Variants in RNF38 observed in about 807,000 individuals in gnomAD.
RNF38 encodes E3 ubiquitin-protein ligase RNF38.
In RNF38, 15 loss-of-function variants were observed where a neutral mutation model predicts 67.2. The observed-to-expected ratio is 0.22, with a 90% CI of 0.15 to 0.34. The LOEUF is 0.34. RNF38 is among the 10% of genes least tolerant of loss of function. The pLI is 1.00. For synonymous variants in RNF38, 220 were observed against 218.8 expected, an observed-to-expected ratio of 1.01 and a Z score of -0.05; for missense variants, 524 against 639.9, an observed-to-expected ratio of 0.82 and a Z score of 1.95.
At chr9:36,442,168 G>A (rs1839207319) in intron 1 of RNF38, among the ~76,000 whole-genome samples, 1 of 152,124 alleles carries the variant, frequency 6.6e-6, no homozygotes, top group African/African-American at 2.4e-5. Flanking sequence ...CAAACCGGCT[G>A]TCAACTTCCT....
intron 2 of RNF38, among the ~76,000 whole-genome samples, chr9:36,385,765 C>T (rs1836578200): frequency 6.6e-6 from 1 of 152,200 alleles, no homozygotes; most frequent in Admixed American, 6.5e-5. Context: ...ACTACAATGC[C>T]TGCAGCCAGC....
At chr9:36,349,051 A>C (rs540914253) in intron 9 of RNF38, among the ~76,000 whole-genome samples, 2 of 151,650 alleles carry the variant, frequency 1.3e-5, no homozygotes, top group East Asian at 3.9e-4. Context: ...AATTATGCTA[A>C]ATCTACACTG....
At chr9:36,470,357 G>GT (rs772882323) in intron 1 of RNF38, among the ~76,000 whole-genome samples, 1 of 152,170 alleles carries the variant, frequency 6.6e-6, no homozygotes, top group Non-Finnish European at 1.5e-5. Context: ...CATCCACACA[G>GT]TGTCTGAGTG....
intron 1 of RNF38, among the ~76,000 whole-genome samples, chr9:36,475,708 G>GACAGA (rs949587700): frequency 2.0e-5 from 3 of 151,030 alleles, no homozygotes; most frequent in African/African-American, 7.3e-5. Flanking sequence ...ATAGAGACAG[G>GACAGA]GGTTAATTCC....
chr9:36,379,393 A>T (rs888427556), intron 2 of RNF38, among the ~76,000 whole-genome samples: 21 of 152,234 alleles, frequency 1.4e-4, no homozygotes, highest in Non-Finnish European at 2.5e-4. Context: ...AGAAATAAGA[A>T]TTATATTAAC....
At position 36,352,773 on chromosome 9, in the gene RNF38, G is replaced by T; in HGVS notation, c.1147C>A (p.Pro383Thr). 1 of 1,613,900 alleles carries T rather than the reference G, an allele frequency of 6.2e-7. No individual in the cohort carries two copies. The highest frequency in any genetic ancestry group is 1.1e-5 in the South Asian group (1 of 91,074). Residue 383 changes from proline to threonine, a missense_variant, in exon 8 of 12, where the codon CCT becomes ACT. Physicochemically the swap from Pro to Thr is conservative, Grantham distance 38. This residue lies in a region of RNF38 where 461 missense variants were observed against 517.4 expected (regional missense o/e 0.89). Transcript: ENST00000259605. ...YRSQQPIPPP[P>T]YHPSLLPYVL... ...TATGGCAGTAAGCTGGGATGATAAGGGGGAGGTGGTATTGGCTGCTGGGAT... is the reference window on the plus strand; with the variant it reads ...TATGGCAGTAAGCTGGGATGATAAGTGGGAGGTGGTATTGGCTGCTGGGAT...
intron 1 of RNF38, among the ~76,000 whole-genome samples, chr9:36,431,253 C>T (rs542268390): frequency 3.9e-5 from 6 of 152,252 alleles, no homozygotes; most frequent in African/African-American, 7.2e-5. Context: ...AATCGTTGTG[C>T]GAACATCATA....
chr9:36,439,328 C>T (rs1382778758), intron 1 of RNF38, among the ~76,000 whole-genome samples: 4 of 152,146 alleles, frequency 2.6e-5, no homozygotes, highest in African/African-American at 9.7e-5. Flanking sequence ...GAGTTTTAAT[C>T]CTTGTCCTTC....
chr9:36,354,655 G>A (rs986819093), intron 6 of RNF38, among the ~76,000 whole-genome samples: 4 of 152,104 alleles, frequency 2.6e-5, no homozygotes, highest in East Asian at 1.9e-4. Context: ...CCACTCTTTC[G>A]TCACCCATTT....
chr9:36,393,227 T>A (rs1351299337), intron 1 of RNF38, among the ~76,000 whole-genome samples: 37 of 152,152 alleles, frequency 2.4e-4, no homozygotes, highest in Admixed American at 2.4e-3. Context: ...TCCTTTGAAA[T>A]CTTAAGATCT....
At chr9:36,450,267 T>G (rs902008053) in intron 1 of RNF38, among the ~76,000 whole-genome samples, 1 of 152,162 alleles carries the variant, frequency 6.6e-6, no homozygotes, top group African/African-American at 2.4e-5. Flanking sequence ...ACTTGACTTT[T>G]TTTTTATATA....
chr9:36,343,321 C>T (rs1446606685), intron 10 of RNF38, among the ~76,000 whole-genome samples: 1 of 152,102 alleles, frequency 6.6e-6, no homozygotes, highest in East Asian at 1.9e-4. Context: ...TTCTATTCCT[C>T]AGAGATCCCT....
chr9:36,443,069 G>A (rs533515030), intron 1 of RNF38, among the ~76,000 whole-genome samples: 4 of 152,256 alleles, frequency 2.6e-5, no homozygotes, highest in South Asian at 2.1e-4. Flanking sequence ...CCCCAATTAC[G>A]GCTTTGTTTC....
At chr9:36,437,926 T>C (rs1437883117) in intron 1 of RNF38, among the ~76,000 whole-genome samples, 1 of 152,144 alleles carries the variant, frequency 6.6e-6, no homozygotes, top group Non-Finnish European at 1.5e-5. Flanking sequence ...AAATGTACCA[T>C]TTTTCTGTAG....
chr9:36,377,874 T>C (rs745832830), intron 2 of RNF38, among the ~76,000 whole-genome samples: 9 of 152,214 alleles, frequency 5.9e-5, no homozygotes, highest in Non-Finnish European at 1.3e-4. Flanking sequence ...GTTACTTTTA[T>C]TTCATTTTTT....
chr9:36,372,536 C>T (rs557631559), intron 3 of RNF38: 2 of 715,566 alleles, frequency 2.8e-6, no homozygotes, highest in African/African-American at 1.7e-5. Flanking sequence ...TTAAAAACTG[C>T]ATCTGCTTGG....
chr9:36,376,824 G>A (rs992274890), intron 2 of RNF38, among the ~76,000 whole-genome samples: 2 of 151,430 alleles, frequency 1.3e-5, no homozygotes, highest in Non-Finnish European at 2.9e-5. Flanking sequence ...TACTTGGGAG[G>A]TTGAGGCAGG....
At chr9:36,483,816 C>T (rs1263606515) in intron 1 of RNF38, among the ~76,000 whole-genome samples, 1 of 152,120 alleles carries the variant, frequency 6.6e-6, no homozygotes, top group Admixed American at 6.5e-5. Context: ...TTTGCCCTTA[C>T]TTTGAAACCA....
chr9:36,346,692 T>TGTG (rs60062738), intron 9 of RNF38, among the ~76,000 whole-genome samples: 148,222 of 152,174 alleles, frequency 0.97, 72,290 homozygotes, highest in South Asian at 1. Flanking sequence ...CAACAGTTAA[T>TGTG]GTAATAACTG....
Sources: allele counts gnomAD v4.1 joint callset (sites outside exome capture counted in the v4.1 genomes callset), GRCh38; gene constraint gnomAD v4.1.1; regional missense constraint gnomAD v4.1.1; transcripts MANE v1.5; gene names NCBI Gene and HGNC (gene_info 2026-07-23, HGNC 2026-07-21).